Variants in ERBB4 observed in about 807,000 individuals in gnomAD.
ERBB4 encodes erb-b2 receptor tyrosine kinase 4, also known as receptor tyrosine-protein kinase erbB-4.
Under a neutral mutation model 158.0 loss-of-function variants are expected in ERBB4, and 42 were observed. The observed-to-expected ratio is 0.27, with a 90% confidence interval of 0.21 to 0.34. The LOEUF (loss-of-function observed/expected upper bound fraction) is 0.34. Among genes scored for constraint, ERBB4 ranks in the 10% least tolerant of loss-of-function variants. The pLI, the probability that ERBB4 is intolerant of heterozygous loss-of-function variation, is 1.00. For synonymous variants in ERBB4, 583 were observed against 558.7 expected, an observed-to-expected ratio of 1.04 and a Z score of -0.61; for missense variants, 1,333 against 1,624.1, an observed-to-expected ratio of 0.82 and a Z score of 3.08.
chr2:211,881,589 T>A (rs748601902), intron 3 of ERBB4, among the ~76,000 whole-genome samples: 1 of 35,222 alleles, frequency 2.8e-5, no homozygotes, highest in Non-Finnish European at 4.8e-5. Flanking sequence ...TAATAAAAGA[T>A]TGGGGTGGGG....
At chr2:211,758,192 C>G (rs1219322956) in intron 4 of ERBB4, among the ~76,000 whole-genome samples, 1 of 152,122 alleles carries the variant, frequency 6.6e-6, no homozygotes, top group African/African-American at 2.4e-5. Context: ...TAAATGCAAT[C>G]TATTTCCCAC....
intron 1 of ERBB4, among the ~76,000 whole-genome samples, chr2:212,295,489 T>C (rs1219498270): frequency 1.3e-5 from 2 of 152,070 alleles, no homozygotes; most frequent in Non-Finnish European, 2.9e-5. Flanking sequence ...AGAAAACGTA[T>C]GCATATGCAC....
At chr2:212,446,620 T>TATATATATATATATATATAC (rs2092360786) in intron 1 of ERBB4, among the ~76,000 whole-genome samples, 1 of 81,262 alleles carries the variant, frequency 1.2e-5, no homozygotes, top group South Asian at 4.0e-4. Context: ...TATATATATA[T>TATATATATATATATATATAC]ATATATATAT....
At position 212,507,223 on chromosome 2, in the gene ERBB4, A is replaced by G. The variant is rs187044212; in HGVS notation, c.82+31226T>C. 2.5e-4 allele frequency among the ~76,000 whole-genome samples: 38 copies of G among 152,214 alleles called. No individual in the cohort carries two copies. The East Asian group carries it at 7.3e-3, about 29-fold the overall frequency. On this transcript the variant is annotated intron_variant, in intron 1 of 27. Coordinates refer to ENST00000342788, the MANE Select transcript of ERBB4 (RefSeq NM_005235.3). Reference sequence around the variant, plus strand: ...ACCTATTGCTCAGAAAAAAAAAAAAAGATTCCTTTCAAAATATTACTGCTC... The same window carrying G: ...ACCTATTGCTCAGAAAAAAAAAAAAGGATTCCTTTCAAAATATTACTGCTC...
intron 16 of ERBB4, among the ~76,000 whole-genome samples, chr2:211,647,473 A>G (rs2070815990): frequency 6.6e-6 from 1 of 151,556 alleles, no homozygotes; most frequent in African/African-American, 2.4e-5. Context: ...CAAATTCAAC[A>G]CATCCGAAAC....
chr2:211,882,243 A>C (rs2078683711), intron 3 of ERBB4, among the ~76,000 whole-genome samples: 1 of 152,214 alleles, frequency 6.6e-6, no homozygotes, highest in Non-Finnish European at 1.5e-5. Flanking sequence ...TCCAGTTAAT[A>C]ATGTGAAAGA....
In ERBB4 at chr2:211,905,681, T is replaced by TATATATATATATACAC. The variant is rs1480195605; in HGVS notation, c.421+41748_421+41749insGTGTATATATATATAT. On this transcript the variant is annotated intron_variant, in intron 3 of 27. Transcript: ENST00000342788. ...ATATATATATATATATATATATATA[T>TATATATATATATACAC]ACACACATATATGTGTGTGTATGTG... Among the ~76,000 whole-genome samples, 144 of 110,532 alleles carry TATATATATATATACAC rather than the reference T, an allele frequency of 1.3e-3. 1 individual carries two copies. The highest frequency in any genetic ancestry group is 2.1e-3 in the Non-Finnish European group (119 of 55,412). The allele number at this position is 110,532 out of a possible 152,430, so 72.5% of individuals were successfully genotyped here. A position where few individuals can be genotyped will look rare whatever the true frequency, so the allele number is the denominator to read the frequency against.
In ERBB4 at chr2:212,191,711, CATGTTACATATAACACGTGT is replaced by C. The variant is rs1454730176; in HGVS notation, c.83-66828_83-66809del. Reference sequence around the variant, plus strand: ...CATGTTACATATAACACGTGTTATACATGTTACATATAACACGTGTTATACATGTTACATATAACACGTGT... The same window carrying C: ...CATGTTACATATAACACGTGTTATACTATACATGTTACATATAACACGTGT... On this transcript the variant is annotated intron_variant, in intron 1 of 27. Coordinates refer to ENST00000342788, the MANE Select transcript of ERBB4 (RefSeq NM_005235.3). Among the ~76,000 whole-genome samples the C allele has an allele frequency of 2.0e-4, 30 of 147,504 alleles. 1 individual carries two copies. Among genetic ancestry groups the C allele is most frequent in the African/African-American group, 4.2e-4 (17 of 40,342 alleles).
At chr2:211,889,357 A>G (rs1444590680) in intron 3 of ERBB4, among the ~76,000 whole-genome samples, 1 of 145,870 alleles carries the variant, frequency 6.9e-6, no homozygotes, top group Non-Finnish European at 1.5e-5. Context: ...TAGAAGGAAA[A>G]CTAACAAACA....
chr2:212,528,370 C>T (rs551855383), intron 1 of ERBB4, among the ~76,000 whole-genome samples: 7 of 152,212 alleles, frequency 4.6e-5, no homozygotes, highest in South Asian at 2.1e-4. Context: ...GTAACTGGAC[C>T]AGACTAGTGC....
At chr2:212,004,545 A>G (rs1321837037) in intron 2 of ERBB4, among the ~76,000 whole-genome samples, 1 of 152,148 alleles carries the variant, frequency 6.6e-6, no homozygotes, top group Non-Finnish European at 1.5e-5. Context: ...CTAGGGAATG[A>G]TTTCTAAGCC....
chr2:211,999,450 T>G (rs2076054448), intron 2 of ERBB4, among the ~76,000 whole-genome samples: 1 of 151,848 alleles, frequency 6.6e-6, no homozygotes, highest in Non-Finnish European at 1.5e-5. Flanking sequence ...AGGGGTATCC[T>G]GAATAAATCT....
intron 2 of ERBB4, among the ~76,000 whole-genome samples, chr2:212,081,321 C>T (rs1321398409): frequency 1.3e-5 from 2 of 152,036 alleles, no homozygotes; most frequent in African/African-American, 2.4e-5. Flanking sequence ...CTAGAATGTT[C>T]TAGAATCTTC....
At chr2:211,987,828 T>G (rs2081976935) in intron 2 of ERBB4, among the ~76,000 whole-genome samples, 1 of 152,144 alleles carries the variant, frequency 6.6e-6, no homozygotes. Context: ...AAACTAACCT[T>G]TGAAATTAAA....
chr2:211,385,853 C>G (rs1049874977), intron 27 of ERBB4, among the ~76,000 whole-genome samples: 1 of 152,114 alleles, frequency 6.6e-6, no homozygotes, highest in Non-Finnish European at 1.5e-5. Context: ...GTGAATCTGC[C>G]AAGTCTTCAC....
At chr2:211,846,004 A>C (rs2077578429) in intron 3 of ERBB4, among the ~76,000 whole-genome samples, 2 of 152,132 alleles carry the variant, frequency 1.3e-5, no homozygotes, top group Non-Finnish European at 2.9e-5. Flanking sequence ...ATTTCCAACA[A>C]ATAAGCATAA....
At chr2:211,965,496 A>C (rs2081288275) in intron 2 of ERBB4, among the ~76,000 whole-genome samples, 1 of 152,284 alleles carries the variant, frequency 6.6e-6, no homozygotes, top group Non-Finnish European at 1.5e-5. Context: ...TTGCCTAAGT[A>C]ACATCTCCAC....
rs775252191 is a variant in ERBB4, at chr2:211,387,129, C to T, written c.3205G>A (p.Gly1069Arg). 7 of 1,613,662 alleles carry T rather than the reference C, an allele frequency of 4.3e-6. No homozygotes were observed. Among genetic ancestry groups the T allele is most frequent in the Non-Finnish European group, 5.9e-6 (7 of 1,179,578 alleles). The change falls in exon 27 of 28, where the codon GGA becomes AGA. Residue 1069 changes from glycine to arginine, a missense_variant. Physicochemically the swap from Gly to Arg is moderately radical, Grantham distance 125. Coordinates refer to ENST00000342788, the MANE Select transcript of ERBB4 (RefSeq NM_005235.3). ...ACTCCTTGTTCAGCAGCAAAACCTCCATCTCGGTATACAAACTGGTTCTGT... is the reference window on the plus strand; with the variant it reads ...ACTCCTTGTTCAGCAGCAAAACCTCTATCTCGGTATACAAACTGGTTCTGT... ...MSGNQFVYRDGGFAAEQGVSV... is the reference protein window; with the variant it reads ...MSGNQFVYRDRGFAAEQGVSV...
At chr2:212,298,100 T>G (rs2086481308) in intron 1 of ERBB4, among the ~76,000 whole-genome samples, 1 of 151,808 alleles carries the variant, frequency 6.6e-6, no homozygotes, top group South Asian at 2.1e-4. Context: ...CTAATAGTTC[T>G]TTTTAACAAG....
Sources: gnomAD v4.1 joint callset for allele counts (sites outside exome capture counted in the v4.1 genomes callset) on GRCh38, gnomAD v4.1.1 for gene constraint, MANE v1.5 for transcripts, NCBI Gene and HGNC (gene_info 2026-07-23, HGNC 2026-07-21) for gene names.